LRSAM1: variants seen among roughly 807,000 people sequenced by gnomAD.
LRSAM1 encodes the protein E3 ubiquitin-protein ligase LRSAM1.
Under a neutral mutation model 118.1 loss-of-function variants are expected in LRSAM1, and 96 were observed. The observed-to-expected ratio is 0.81, with a 90% CI of 0.69 to 0.96. The LOEUF (loss-of-function observed/expected upper bound fraction) is 0.96. Among genes scored for constraint, LRSAM1 ranks in the 40% least tolerant of loss-of-function variants. The pLI is 0.00. For missense variants in LRSAM1, 804 were observed against 915.5 expected (o/e 0.88, Z 1.57); for synonymous variants, 322 against 364.2 (o/e 0.88, Z 1.32).
At chr9:127,485,682 G>T (rs1460603269) in intron 16 of LRSAM1, 54 bp from the exon 17 acceptor site, 2 of 1,564,444 alleles carry the variant, frequency 1.3e-6, no homozygotes, top group African/African-American at 2.7e-5. Context: ...TCCCTGCCCA[G>T]GTGCCCCAGG....
intron 7 of LRSAM1, among the ~76,000 whole-genome samples, chr9:127,460,515 A>G (rs1460914672): frequency 6.6e-6 from 1 of 152,172 alleles, no homozygotes; most frequent in Admixed American, 6.5e-5. Context: ...GCCTCCCCAG[A>G]TCCCCAAGTC....
chr9:127,500,391 G>C lies in LRSAM1; in HGVS notation c.1913-619G>C, dbSNP rs1191471859. On this transcript the variant is annotated intron_variant, in intron 24 of 25. Transcript: ENST00000300417. ...AAAAAAAAAAGAGACTTAGCATTTT[G>C]TAAGGGCTGCTTCTGATGTCTTAGC... Among the ~76,000 whole-genome samples, 5 of 144,010 alleles carry C rather than the reference G, an allele frequency of 3.5e-5. No homozygotes were observed. In the Admixed American group the frequency reaches 3.5e-4, roughly 10 times the overall value. 94.5% of individuals were successfully genotyped at this position (144,010 alleles called of 152,430 possible). A position where few individuals can be genotyped will look rare whatever the true frequency, so the allele number is the denominator to read the frequency against.
In LRSAM1 at chr9:127,484,796, A is replaced by ATTTTTCT. The variant is rs1378824237; in HGVS notation, c.1160-934_1160-928dup. 4.5e-4 allele frequency among the ~76,000 whole-genome samples: 48 copies of ATTTTTCT among 107,450 alleles called. 3 individuals carry two copies. The highest frequency in any genetic ancestry group is 6.0e-4 in the Non-Finnish European group (28 of 46,904). The allele number at this position is 107,450 out of a possible 152,430, so 70.5% of individuals were successfully genotyped here. A position where few individuals can be genotyped will look rare whatever the true frequency, so the allele number is the denominator to read the frequency against. ...TTCTTTCAATTATTTTAATTTTTTG[A>ATTTTTCT]TTTTTCTTTTTTTCTTTTTTTTTTT... is the stretch of plus-strand genomic sequence containing the variant. On this transcript the variant is annotated intron_variant, in intron 16 of 25. Coordinates refer to ENST00000300417, the MANE Select transcript of LRSAM1 (RefSeq NM_001005373.4).
chr9:127,482,750 A>T (rs1404637870), intron 15 of LRSAM1, among the ~76,000 whole-genome samples, 200 bp from the exon 16 acceptor site: 1 of 152,180 alleles, frequency 6.6e-6, no homozygotes, highest in Non-Finnish European at 1.5e-5. Flanking sequence ...CCATCTTTTT[A>T]CACAAGATAC....
rs1463695413 is a variant in LRSAM1 at position 127,455,503 on chromosome 9, G to A, written c.130-73G>A. ...CACCTCCTGCCTGTCTCTTCCTCACGTGAATGCCACTCAGAGAACAAGCTA... is the reference window on the plus strand; with the variant it reads ...CACCTCCTGCCTGTCTCTTCCTCACATGAATGCCACTCAGAGAACAAGCTA... On this transcript the variant is annotated intron_variant, in intron 4 of 25. Coordinates refer to ENST00000300417, the MANE Select transcript of LRSAM1 (RefSeq NM_001005373.4). 4.0e-6 allele frequency: 6 copies of A among 1,484,074 alleles called. No individual in the cohort carries two copies. In the African/African-American group the frequency reaches 4.2e-5, roughly 10 times the overall value. 91.9% of individuals were successfully genotyped at this position (1,484,074 alleles called of 1,614,324 possible). A position where few individuals can be genotyped will look rare whatever the true frequency, so the allele number is the denominator to read the frequency against.
rs564231332 is a variant in LRSAM1 at position 127,469,837 on chromosome 9, C to T, written c.619+2007C>T. On this transcript the variant is annotated intron_variant, in intron 10 of 25. Coordinates refer to ENST00000300417, the MANE Select transcript of LRSAM1 (RefSeq NM_001005373.4). Reference sequence around the variant, plus strand: ...AAAATTAGCAAGGCGTGGTGGCGGGCGCCTGTAGTCCCAGCTACTAGGGAG... The same window carrying T: ...AAAATTAGCAAGGCGTGGTGGCGGGTGCCTGTAGTCCCAGCTACTAGGGAG... 7.2e-5 allele frequency among the ~76,000 whole-genome samples: 11 copies of T among 152,086 alleles called. No homozygotes were observed. The East Asian group carries it at 1.4e-3, about 19-fold the overall frequency.
intron 11 of LRSAM1, among the ~76,000 whole-genome samples, chr9:127,478,364 A>G (rs532586450): frequency 3.3e-5 from 5 of 152,338 alleles, no homozygotes; most frequent in East Asian, 3.9e-4. Context: ...TGTTTTTGCA[A>G]AAGTAGAATC....
At chr9:127,474,557 G>A (rs1205614194) in intron 11 of LRSAM1, among the ~76,000 whole-genome samples, 1 of 152,178 alleles carries the variant, frequency 6.6e-6, no homozygotes, top group Non-Finnish European at 1.5e-5. Context: ...GCGCTAAATT[G>A]ATGAGGAACT....
intron 16 of LRSAM1, among the ~76,000 whole-genome samples, chr9:127,484,525 G>A (rs1835656830): frequency 6.7e-6 from 1 of 150,158 alleles, no homozygotes; most frequent in Non-Finnish European, 1.5e-5. Context: ...ACCTCACCTG[G>A]CTAATTTTTT....
rs760321710 is a variant in LRSAM1 at position 127,492,887 on chromosome 9, G to A, written c.1589G>A (p.Arg530Gln). Residue 530 changes from arginine (R) to glutamine (Q), a missense_variant, in exon 21 of 26, where the codon CGG becomes CAG. Physicochemically the swap from Arg to Gln is conservative, Grantham distance 43. Coordinates refer to ENST00000300417, the MANE Select transcript of LRSAM1 (RefSeq NM_001005373.4). ...AAGCAGCAGCGAGAGGAAGAGCTCC[G>A]GGAAATCCTGGTATGTGTTTGGCTT... The part of the protein sequence containing the change: ...KEKQQREEEL[R>Q]EILTELEAKS... The A allele has an allele frequency of 1.2e-5, 19 of 1,613,830 alleles. No homozygotes were observed. The highest frequency in any genetic ancestry group is 6.7e-5 in the Admixed American group (4 of 60,000).
chr9:127,490,744 T>C (rs1324869381), intron 19 of LRSAM1, among the ~76,000 whole-genome samples: 1 of 152,172 alleles, frequency 6.6e-6, no homozygotes, highest in African/African-American at 2.4e-5. Context: ...ACATAGTAGG[T>C]GCTCAAGACA....
intron 21 of LRSAM1, among the ~76,000 whole-genome samples, chr9:127,494,716 G>A (rs1233711121): frequency 6.6e-6 from 1 of 152,078 alleles, no homozygotes; most frequent in Non-Finnish European, 1.5e-5. Flanking sequence ...GGCCGAGGTG[G>A]GCAGATCACT....
intron 4 of LRSAM1, 145 bp from the exon 5 acceptor site, chr9:127,455,431 G>T: frequency 1.2e-6 from 1 of 827,674 alleles, no homozygotes; most frequent in Non-Finnish European, 2.0e-6. Context: ...TGCCAGCCTT[G>T]CCCCTGGGCT....
intron 19 of LRSAM1, among the ~76,000 whole-genome samples, chr9:127,489,931 G>A (rs896196756): frequency 6.6e-6 from 1 of 152,238 alleles, no homozygotes; most frequent in African/African-American, 2.4e-5. Context: ...GGGGCATATA[G>A]TATTTCCCCC....
chr9:127,459,008 A>G lies in LRSAM1; in HGVS notation c.258A>G (p.Leu86=), dbSNP rs1259389825. ...SLLSLATIKV[L]DLHDNQLTAL... The stretch of plus-strand genomic sequence containing the variant: ...CAGGGGTCTTTCTTCTGCAGGTTCT[A>G]GATCTCCACGATAATCAGCTGACAG... Residue 86 remains leucine (L), a synonymous_variant, in exon 7 of 26, where the codon CTA becomes CTG. Coordinates refer to ENST00000300417, the MANE Select transcript of LRSAM1 (RefSeq NM_001005373.4). The G allele has an allele frequency of 1.2e-6, 2 of 1,613,750 alleles. No homozygotes were observed. Among genetic ancestry groups the G allele is most frequent in the Non-Finnish European group, 1.7e-6 (2 of 1,180,006 alleles).
intron 7 of LRSAM1, among the ~76,000 whole-genome samples, chr9:127,460,769 G>C (rs545783565): frequency 1.4e-4 from 22 of 151,952 alleles, no homozygotes; most frequent in African/African-American, 5.3e-4. Context: ...GGGTGCCCTG[G>C]CCCGGCAGGG....
intron 6 of LRSAM1, among the ~76,000 whole-genome samples, chr9:127,457,837 T>G (rs1834577391): frequency 6.6e-6 from 1 of 152,082 alleles, no homozygotes; most frequent in Admixed American, 6.5e-5. Context: ...GGGAGAGTGA[T>G]ATGCACCTTC....
At chr9:127,459,217 GTTTTT>G in intron 7 of LRSAM1, 146 bp downstream of exon 7, 8 of 579,582 alleles carry the variant, frequency 1.4e-5, no homozygotes, top group South Asian at 1.8e-5. Flanking sequence ...GCCCTTTGGG[GTTTTT>G]TTTTTTTTTT....
chr9:127,485,943 CA>C, intron 17 of LRSAM1, 108 bp downstream of exon 17: 1 of 999,676 alleles, frequency 1.0e-6, no homozygotes, highest in Non-Finnish European at 1.6e-6. Context: ...TGGGCCACCC[CA>C]GCCTCTGCTC....
Sources: allele counts gnomAD v4.1 joint callset (sites outside exome capture counted in the v4.1 genomes callset), GRCh38; gene constraint gnomAD v4.1.1; transcripts MANE v1.5; gene names NCBI Gene and HGNC (gene_info 2026-07-23, HGNC 2026-07-21).